Variants in BPIFB1 observed in about 807,000 individuals in gnomAD.
BPIFB1 encodes BPI fold-containing family B member 1.
In BPIFB1, 34 loss-of-function variants were observed where a neutral mutation model predicts 55.1. That is an observed-to-expected ratio of 0.62 (90% CI 0.47 to 0.82). The LOEUF is 0.82. Among genes scored for constraint, BPIFB1 ranks in the 40% least tolerant of loss-of-function variants. BPIFB1 has a pLI of 0.00. For synonymous variants in BPIFB1, 236 were observed against 245.3 expected, an observed-to-expected ratio of 0.96 and a Z score of 0.35; for missense variants, 532 against 593.1, an observed-to-expected ratio of 0.90 and a Z score of 1.07.
intron 5 of BPIFB1, 53 bp from the exon 6 acceptor site, chr20:33,291,854 G>C (rs1414878490): frequency 6.7e-7 from 1 of 1,503,422 alleles, no homozygotes; most frequent in Non-Finnish European, 9.3e-7. Flanking sequence ...ATAGAGGAAG[G>C]GGTGATCATC....
At chr20:33,299,244 T>G in intron 7 of BPIFB1, 1 of 449,908 alleles carries the variant, frequency 2.2e-6, no homozygotes, top group South Asian at 1.6e-5. Flanking sequence ...GGCCGGTCCC[T>G]GGCCCTCCAG....
rs953599630 is a variant in BPIFB1 at position 33,288,177 on chromosome 20, C to A, written c.116-564C>A. On this transcript the variant is annotated intron_variant, in intron 2 of 15. Transcript: ENST00000253354. ...TCTCCAGCACTTCTGACCTGCTCTGCACATGAGCCAGATGGGCTCTAGCTG... is the reference window on the plus strand; with the variant it reads ...TCTCCAGCACTTCTGACCTGCTCTGAACATGAGCCAGATGGGCTCTAGCTG... Among the ~76,000 whole-genome samples the A allele has an allele frequency of 3.3e-5, 5 of 152,204 alleles. No homozygotes were observed. In the East Asian group the frequency reaches 9.6e-4, roughly 29 times the overall value.
Position 33,303,415 on chromosome 20 carries a change from G to A in BPIFB1, c.1140+341G>A, listed in dbSNP as rs568636183. On this transcript the variant is annotated intron_variant, in intron 11 of 15. Coordinates refer to ENST00000253354, the MANE Select transcript of BPIFB1 (RefSeq NM_033197.3). Reference sequence around the variant, plus strand: ...TCATTCTCCTCTCTCCCACCTAGCAGCCTTGTTTTCCTCTGTGCTGCCTTC... The same window carrying A: ...TCATTCTCCTCTCTCCCACCTAGCAACCTTGTTTTCCTCTGTGCTGCCTTC... Among the ~76,000 whole-genome samples, 761 of 152,290 alleles carry A rather than the reference G, an allele frequency of 5.0e-3. 11 individuals are homozygous for A. Among genetic ancestry groups the A allele is most frequent in the Middle Eastern group, 0.01 (3 of 294 alleles).
chr20:33,285,708 A>G (rs1600660111), intron 1 of BPIFB1, among the ~76,000 whole-genome samples: 1 of 131,930 alleles, frequency 7.6e-6, no homozygotes, highest in South Asian at 2.3e-4. Context: ...ACAGAGCGAG[A>G]CTCTGTCTCA....
chr20:33,303,710 C>T (rs535847422), intron 11 of BPIFB1, among the ~76,000 whole-genome samples: 24 of 152,298 alleles, frequency 1.6e-4, no homozygotes, highest in Admixed American at 1.4e-3. Context: ...TGGCTGCTTT[C>T]GTCGTCGTCA....
intron 6 of BPIFB1, among the ~76,000 whole-genome samples, chr20:33,296,980 G>C (rs1315722601): frequency 1.3e-5 from 2 of 152,214 alleles, no homozygotes; most frequent in Non-Finnish European, 2.9e-5. Flanking sequence ...CTGGAGTGCA[G>C]TAGCACGATT....
intron 15 of BPIFB1, chr20:33,307,486 G>A: frequency 6.2e-6 from 1 of 161,790 alleles, no homozygotes; most frequent in Non-Finnish European, 1.4e-5. Flanking sequence ...CAGATGGGGT[G>A]GCCAGGGAGG....
intron 2 of BPIFB1, 78 bp from the exon 3 acceptor site, chr20:33,288,663 C>G (rs1038894523): frequency 3.2e-6 from 5 of 1,548,716 alleles, no homozygotes; most frequent in Non-Finnish European, 4.4e-6. Flanking sequence ...AGTGATACCC[C>G]TCCCCAGCCT....
intron 11 of BPIFB1, among the ~76,000 whole-genome samples, chr20:33,303,713 C>T (rs1296399685): frequency 1.3e-5 from 2 of 152,134 alleles, no homozygotes; most frequent in Non-Finnish European, 1.5e-5. Context: ...CTGCTTTCGT[C>T]GTCGTCATCG....
intron 8 of BPIFB1, 105 bp from the exon 9 acceptor site, chr20:33,301,128 T>G: frequency 8.5e-7 from 1 of 1,181,750 alleles, no homozygotes; most frequent in Non-Finnish European, 1.2e-6. Flanking sequence ...TGGCAACAAA[T>G]GCACAAAAAG....
Position 33,302,917 on chromosome 20 carries a change from C to T in BPIFB1, c.983C>T (p.Ala328Val), listed in dbSNP as rs770734154. The change falls in exon 11 of 16, where the codon GCT becomes GTT. Residue 328 changes from alanine to valine, a missense_variant and splice_region_variant. By Grantham distance (64) the Ala-to-Val change is moderately conservative (BLOSUM62 0). Coordinates refer to ENST00000253354, the MANE Select transcript of BPIFB1 (RefSeq NM_033197.3). ...KSSIGLINEK[A>V]ADKLGSTQIV... Reference sequence around the variant, plus strand: ...CATGTGGGTCTGATCTCCTTCCAGGCTGCAGATAAGCTGGGATCTACCCAG... The same window carrying T: ...CATGTGGGTCTGATCTCCTTCCAGGTTGCAGATAAGCTGGGATCTACCCAG... 1 of 1,613,950 alleles carries T rather than the reference C, an allele frequency of 6.2e-7. No individual in the cohort carries two copies. Among genetic ancestry groups the T allele is most frequent in the Non-Finnish European group, 8.5e-7 (1 of 1,179,908 alleles).
intron 7 of BPIFB1, among the ~76,000 whole-genome samples, chr20:33,298,048 A>AGATG (rs551999680): frequency 5.9e-4 from 90 of 152,226 alleles, no homozygotes; most frequent in Non-Finnish European, 9.4e-4. Flanking sequence ...ATGGATGGAT[A>AGATG]GATGGATGGA....
chr20:33,296,692 T>A (rs1279947096), intron 6 of BPIFB1, among the ~76,000 whole-genome samples: 2 of 152,174 alleles, frequency 1.3e-5, no homozygotes, highest in Non-Finnish European at 2.9e-5. Flanking sequence ...TCTAGAAATT[T>A]CCAAATGTCT....
intron 7 of BPIFB1, 27 bp downstream of exon 7, chr20:33,297,615 T>C: frequency 6.2e-7 from 1 of 1,613,642 alleles, no homozygotes; most frequent in Non-Finnish European, 8.5e-7. Flanking sequence ...CTCTCCCACT[T>C]TTTCCTTTAC....
At chr20:33,297,632 G>T in intron 7 of BPIFB1, 44 bp downstream of exon 7, 1 of 1,608,438 alleles carries the variant, frequency 6.2e-7, no homozygotes. Flanking sequence ...TTACTACGGA[G>T]CTGGCCTCCA....
intron 2 of BPIFB1, 65 bp from the exon 3 acceptor site, chr20:33,288,676 A>C: frequency 6.4e-7 from 1 of 1,572,168 alleles, no homozygotes. Context: ...CCCAGCCTGG[A>C]GCTCCCACCA....
At position 33,291,118 on chromosome 20, in the gene BPIFB1, T is replaced by C; in HGVS notation, c.515+12T>C. 1 of 1,607,898 alleles carries C rather than the reference T, an allele frequency of 6.2e-7. No homozygotes were observed. The highest frequency in any genetic ancestry group is 2.2e-5 in the East Asian group (1 of 44,870). On this transcript the variant is annotated intron_variant, in intron 5 of 15. Transcript: ENST00000253354. Reference sequence around the variant, plus strand: ...CAACTGCTGCATAAGTGAGTGTCGCTGGCCACCAGCCGGGCTCCCATCCTG... The same window carrying C: ...CAACTGCTGCATAAGTGAGTGTCGCCGGCCACCAGCCGGGCTCCCATCCTG...
chr20:33,285,931 A>G (rs1980251704), intron 1 of BPIFB1, 102 bp from the exon 2 acceptor site: 1 of 680,548 alleles, frequency 1.5e-6, no homozygotes, highest in Non-Finnish European at 2.5e-6. Context: ...GCAGTTAAAC[A>G]CTGCACTCAA....
chr20:33,286,843 G>T (rs1304191320), intron 2 of BPIFB1, among the ~76,000 whole-genome samples: 8 of 152,178 alleles, frequency 5.3e-5, no homozygotes, highest in Admixed American at 2.0e-4. Flanking sequence ...AACCAAAAAG[G>T]TCTCCAGACA....
Sources: gnomAD v4.1 joint callset for allele counts (sites outside exome capture counted in the v4.1 genomes callset) on GRCh38, gnomAD v4.1.1 for gene constraint, MANE v1.5 for transcripts, NCBI Gene and HGNC (gene_info 2026-07-23, HGNC 2026-07-21) for gene names.